The following MED13L variants were observed in gnomAD, a reference collection of about 807,000 sequenced individuals.
The protein encoded by MED13L is mediator of RNA polymerase II transcription subunit 13-like.
In MED13L, 7 loss-of-function variants were observed where a neutral mutation model predicts 220.9. The ratio of observed to expected loss-of-function variants is 0.03; its 90% CI spans 0.02 to 0.06. MED13L has a LOEUF of 0.06. Among genes scored for constraint, MED13L ranks in the 10% least tolerant of loss-of-function variants. MED13L has a pLI of 1.00. For synonymous variants in MED13L, 1,011 were observed against 1,015.2 expected, an observed-to-expected ratio of 1.00 and a Z score of 0.08; for missense variants, 1,965 against 2,760.5, an observed-to-expected ratio of 0.71 and a Z score of 6.46.
intron 2 of MED13L, among the ~76,000 whole-genome samples, chr12:116,198,982 C>T (rs1052515964): frequency 6.6e-6 from 1 of 152,214 alleles, no homozygotes; most frequent in African/African-American, 2.4e-5. Flanking sequence ...CCCACCCTCT[C>T]TGCCCCTAGG....
intron 2 of MED13L, among the ~76,000 whole-genome samples, chr12:116,116,121 C>T (rs1292746278): frequency 3.9e-5 from 6 of 152,100 alleles, no homozygotes; most frequent in Non-Finnish European, 8.8e-5. Context: ...GGTTTTTGTA[C>T]ACTAGTGGCT....
chr12:116,136,723 A>G (rs966966254), intron 2 of MED13L, among the ~76,000 whole-genome samples: 8 of 152,228 alleles, frequency 5.3e-5, no homozygotes, highest in African/African-American at 1.9e-4. Flanking sequence ...TTTATCAGCT[A>G]TAGTTTTGAT....
At chr12:116,247,692 T>TAC (rs1871207871) in intron 1 of MED13L, among the ~76,000 whole-genome samples, 1 of 152,084 alleles carries the variant, frequency 6.6e-6, no homozygotes, top group African/African-American at 2.4e-5. Context: ...TGCTAACGTA[T>TAC]ATATATATAC....
intron 26 of MED13L, 149 bp downstream of exon 26, chr12:115,971,929 A>C: frequency 3.3e-6 from 3 of 921,338 alleles, no homozygotes; most frequent in Non-Finnish European, 5.0e-6. Context: ...CATGGAAGGT[A>C]TCGAATGTTT....
At chr12:116,172,535 G>A (rs774955112) in intron 2 of MED13L, among the ~76,000 whole-genome samples, 29 of 152,258 alleles carry the variant, frequency 1.9e-4, no homozygotes, top group South Asian at 1.0e-3. Context: ...TACAGTTTAA[G>A]TCTCTTTCTA....
chr12:116,257,267 T>C (rs566116842), intron 1 of MED13L, among the ~76,000 whole-genome samples: 1 of 152,332 alleles, frequency 6.6e-6, no homozygotes, highest in South Asian at 2.1e-4. Context: ...AGGCAGGCAC[T>C]GTCTACACAA....
At chr12:116,098,785 CT>C (rs1186311269) in intron 3 of MED13L, among the ~76,000 whole-genome samples, 1 of 151,980 alleles carries the variant, frequency 6.6e-6, no homozygotes, top group Non-Finnish European at 1.5e-5. Context: ...AAAAAAAATG[CT>C]TTTTAGGGGT....
At chr12:115,995,301 C>T (rs2137322641) in intron 16 of MED13L, among the ~76,000 whole-genome samples, 1 of 152,320 alleles carries the variant, frequency 6.6e-6, no homozygotes, top group African/African-American at 2.4e-5. Context: ...CTGTCCATTT[C>T]ATCTATATAT....
chr12:115,966,770 T>C (rs999779691), intron 28 of MED13L, among the ~76,000 whole-genome samples: 2 of 152,226 alleles, frequency 1.3e-5, no homozygotes, highest in African/African-American at 4.8e-5. Context: ...GAAGAGGCTA[T>C]GTTTTGCTGC....
chr12:116,210,755 G>A (rs1028674535), intron 2 of MED13L, among the ~76,000 whole-genome samples: 8 of 151,462 alleles, frequency 5.3e-5, no homozygotes, highest in Admixed American at 1.3e-4. Flanking sequence ...ATTTTAGCAC[G>A]CAAGCAGAAA....
intron 2 of MED13L, among the ~76,000 whole-genome samples, chr12:116,210,521 A>G (rs1882620432): frequency 6.8e-6 from 1 of 146,218 alleles, no homozygotes; most frequent in Non-Finnish European, 1.5e-5. Context: ...AAGAAAAAAA[A>G]CCAGCCCAAA....
At position 116,106,910 on chromosome 12, in the gene MED13L, T is replaced by C. The variant is rs993329742; in HGVS notation, c.395+4518A>G. Reference sequence around the variant, plus strand: ...GGGATTCCATGATTAGCTGGGTAAATTGACTATGTGACTTTTAATGTTTGT... The same window carrying C: ...GGGATTCCATGATTAGCTGGGTAAACTGACTATGTGACTTTTAATGTTTGT... On this transcript the variant is annotated intron_variant, in intron 3 of 30. Transcript: ENST00000281928. Among the ~76,000 whole-genome samples, 5 of 151,712 alleles carry C rather than the reference T, an allele frequency of 3.3e-5. No homozygotes were observed. In the South Asian group the frequency reaches 6.3e-4, roughly 19 times the overall value.
intron 2 of MED13L, among the ~76,000 whole-genome samples, chr12:116,169,483 T>A (rs181949204): frequency 1.7e-4 from 26 of 152,374 alleles, no homozygotes; most frequent in African/African-American, 5.8e-4. Context: ...CTCTTTTACA[T>A]CTGCCTTAAC....
At chr12:116,231,780 T>C (rs962532681) in intron 2 of MED13L, among the ~76,000 whole-genome samples, 2 of 152,200 alleles carry the variant, frequency 1.3e-5, no homozygotes, top group Non-Finnish European at 2.9e-5. Context: ...CCGTGAAGTC[T>C]GAAAATTGCC....
chr12:116,206,410 G>A (rs905415594), intron 2 of MED13L, among the ~76,000 whole-genome samples: 1 of 152,128 alleles, frequency 6.6e-6, no homozygotes, highest in African/African-American at 2.4e-5. Flanking sequence ...AAGCCAAACT[G>A]TTACTAATTC....
chr12:116,085,106 G>A (rs1402125115), intron 4 of MED13L, among the ~76,000 whole-genome samples: 1 of 152,088 alleles, frequency 6.6e-6, no homozygotes, highest in East Asian at 1.9e-4. Flanking sequence ...TTCCCTCTAG[G>A]GTCCTCTGTG....
intron 2 of MED13L, among the ~76,000 whole-genome samples, chr12:116,214,354 G>A (rs1882880109): frequency 6.6e-6 from 1 of 152,022 alleles, no homozygotes; most frequent in Non-Finnish European, 1.5e-5. Context: ...CAGTAACTCA[G>A]TTCTTGAAGT....
intron 3 of MED13L, among the ~76,000 whole-genome samples, chr12:116,108,241 T>C (rs1215518919): frequency 1.3e-5 from 2 of 152,008 alleles, no homozygotes; most frequent in East Asian, 3.9e-4. Context: ...TCTCAATAAA[T>C]TCATATTGTA....
rs1312558016 is a variant in MED13L, at chr12:115,959,906, G to C, written c.*1360C>G. 1 of 152,552 alleles carries C rather than the reference G, an allele frequency of 6.6e-6. No homozygotes were observed. The highest frequency in any genetic ancestry group is 2.4e-5 in the African/African-American group (1 of 41,430). 9.4% of individuals were successfully genotyped at this position (152,552 alleles called of 1,614,324 possible). Reference sequence around the variant, plus strand: ...TAAAATTTGCATGATTCTCTCCACAGATGACAAGAGCTCAAAGGCCTGGTC... The same window carrying C: ...TAAAATTTGCATGATTCTCTCCACACATGACAAGAGCTCAAAGGCCTGGTC... On this transcript the variant is annotated 3_prime_UTR_variant, in exon 31 of 31. Coordinates refer to ENST00000281928, the MANE Select transcript of MED13L (RefSeq NM_015335.5).
Sources: allele counts gnomAD v4.1 joint callset (sites outside exome capture counted in the v4.1 genomes callset), GRCh38; gene constraint gnomAD v4.1.1; transcripts MANE v1.5; gene names NCBI Gene and HGNC (gene_info 2026-07-23, HGNC 2026-07-21).